CPA6: variants seen among roughly 807,000 people sequenced by gnomAD.
The protein encoded by CPA6 is carboxypeptidase B.
Under a neutral mutation model 63.3 loss-of-function variants are expected in CPA6, and 58 were observed. The observed-to-expected ratio is 0.92, with a 90% CI of 0.74 to 1.14. The LOEUF is 1.14. Ranked by LOEUF, CPA6 falls within the 50% of genes most tolerant of loss-of-function variation. The pLI is 0.00. For missense variants in CPA6, 565 were observed against 526.6 expected, an observed-to-expected ratio of 1.07 and a Z score of -0.71; for synonymous variants, 185 against 179.0, an observed-to-expected ratio of 1.03 and a Z score of -0.27.
chr8:67,434,668 C>G (rs1231307263), intron 8 of CPA6, among the ~76,000 whole-genome samples: 1 of 152,236 alleles, frequency 6.6e-6, no homozygotes, highest in Non-Finnish European at 1.5e-5. Flanking sequence ...GTGGCTCCCT[C>G]GCTTGGCAAC....
intron 6 of CPA6, among the ~76,000 whole-genome samples, chr8:67,504,929 T>C (rs1031147083): frequency 7.9e-5 from 12 of 152,168 alleles, no homozygotes; most frequent in African/African-American, 2.9e-4. Context: ...CTCCTCCCAA[T>C]GATGTATCGG....
chr8:67,581,935 AG>A lies in CPA6; in HGVS notation c.192+42240del, dbSNP rs1185344905. Among the ~76,000 whole-genome samples, 4 of 152,102 alleles carry A rather than the reference AG, an allele frequency of 2.6e-5. No individual in the cohort carries two copies. In the East Asian group the frequency reaches 7.7e-4, roughly 29 times the overall value. ...TGGTTTAATGTGGGGTGGGGTGTTG[AG>A]GGGGTTGGCTAAAGTGTAGTTATCT... On this transcript the variant is annotated intron_variant, in intron 2 of 10. Transcript: ENST00000297770.
intron 1 of CPA6, among the ~76,000 whole-genome samples, chr8:67,737,600 G>A (rs75561075): frequency 0.04 from 6,135 of 152,220 alleles, 404 homozygotes; most frequent in African/African-American, 0.14. Flanking sequence ...GGTTGGAACT[G>A]TTTGTTTACC....
chr8:67,461,388 C>A (rs371778566), intron 8 of CPA6, among the ~76,000 whole-genome samples: 40 of 147,802 alleles, frequency 2.7e-4, no homozygotes, highest in Admixed American at 9.6e-4. Context: ...GTAAGGTCAC[C>A]GATCAACAGG....
intron 2 of CPA6, among the ~76,000 whole-genome samples, chr8:67,581,963 G>A (rs1409424523): frequency 6.6e-6 from 1 of 152,096 alleles, no homozygotes; most frequent in South Asian, 2.1e-4. Context: ...TAGTTATCTG[G>A]GTTGTTCAGG....
intron 1 of CPA6, among the ~76,000 whole-genome samples, chr8:67,675,976 A>G (rs975092059): frequency 1.3e-5 from 2 of 152,176 alleles, no homozygotes; most frequent in African/African-American, 4.8e-5. Context: ...TCAGCCTCCC[A>G]TGTAGCTGGG....
At chr8:67,711,137 G>A in intron 1 of CPA6, among the ~76,000 whole-genome samples, 1 of 152,130 alleles carries the variant, frequency 6.6e-6, no homozygotes, top group East Asian at 1.9e-4. Context: ...CAGAGTTTAG[G>A]ACTTGAACTG....
intron 1 of CPA6, among the ~76,000 whole-genome samples, chr8:67,629,240 G>A (rs1219280743): frequency 1.3e-5 from 2 of 152,084 alleles, no homozygotes; most frequent in Admixed American, 6.5e-5. Context: ...GCTGAGGTAG[G>A]AGAATAGCTT....
At chr8:67,517,218 C>T (rs1205755173) in intron 3 of CPA6, among the ~76,000 whole-genome samples, 1 of 152,156 alleles carries the variant, frequency 6.6e-6, no homozygotes, top group Non-Finnish European at 1.5e-5. Flanking sequence ...GTCATCCTTT[C>T]ACTTCTTCCT....
chr8:67,501,591 C>T (rs1327420051), intron 6 of CPA6, among the ~76,000 whole-genome samples: 1 of 151,964 alleles, frequency 6.6e-6, no homozygotes, highest in Non-Finnish European at 1.5e-5. Context: ...GGATTGCATC[C>T]CTGAAATAAA....
intron 1 of CPA6, among the ~76,000 whole-genome samples, chr8:67,699,516 C>A (rs28379675): frequency 0.13 from 19,590 of 151,668 alleles, 1,701 homozygotes; most frequent in African/African-American, 0.24. Context: ...AACAAACAAA[C>A]AAACATTTAC....
At chr8:67,576,787 C>A (rs541729550) in intron 2 of CPA6, among the ~76,000 whole-genome samples, 1 of 152,124 alleles carries the variant, frequency 6.6e-6, no homozygotes, top group Non-Finnish European at 1.5e-5. Flanking sequence ...AACATAAAGC[C>A]GCTGAGTTGT....
chr8:67,568,628 A>G (rs1813403139), intron 2 of CPA6, among the ~76,000 whole-genome samples: 1 of 152,230 alleles, frequency 6.6e-6, no homozygotes, highest in Non-Finnish European at 1.5e-5. Flanking sequence ...GCAAAAAGAA[A>G]CAAGAATGAA....
intron 1 of CPA6, among the ~76,000 whole-genome samples, chr8:67,632,861 A>G (rs149810136): frequency 4.5e-4 from 69 of 152,352 alleles, no homozygotes; most frequent in Admixed American, 2.2e-3. Context: ...TATGTATTCA[A>G]GTTCTAGAAA....
chr8:67,444,758 C>A (rs1810375628), intron 8 of CPA6, among the ~76,000 whole-genome samples: 1 of 142,970 alleles, frequency 7.0e-6, no homozygotes, highest in African/African-American at 2.6e-5. Context: ...GGCAACAGAG[C>A]GAGACTCTGT....
intron 9 of CPA6, among the ~76,000 whole-genome samples, chr8:67,430,730 A>G (rs1388733820): frequency 6.6e-6 from 1 of 152,100 alleles, no homozygotes; most frequent in Non-Finnish European, 1.5e-5. Flanking sequence ...TGTCCTGTGC[A>G]CTGCAGGGTG....
chr8:67,728,818 A>G (rs1817652829), intron 1 of CPA6, among the ~76,000 whole-genome samples: 1 of 152,244 alleles, frequency 6.6e-6, no homozygotes, highest in African/African-American at 2.4e-5. Context: ...TGGAAGAACT[A>G]GGACATGAAC....
At chr8:67,686,772 T>G (rs1816717687) in intron 1 of CPA6, among the ~76,000 whole-genome samples, 2 of 152,200 alleles carry the variant, frequency 1.3e-5, no homozygotes, top group Non-Finnish European at 2.9e-5. Context: ...AACAGATTTA[T>G]GAACACAAGT....
intron 1 of CPA6, among the ~76,000 whole-genome samples, chr8:67,641,451 A>C (rs1815590265): frequency 6.6e-6 from 1 of 152,216 alleles, no homozygotes; most frequent in South Asian, 2.1e-4. Flanking sequence ...TAAAACTAGA[A>C]ACTTGATGGA....
Sources: gnomAD v4.1 joint callset for allele counts (sites outside exome capture counted in the v4.1 genomes callset) on GRCh38, gnomAD v4.1.1 for gene constraint, MANE v1.5 for transcripts, NCBI Gene and HGNC (gene_info 2026-07-23, HGNC 2026-07-21) for gene names.